The following CENPE variants were observed in gnomAD, a reference collection of about 807,000 sequenced individuals.
CENPE encodes centromere-associated protein E.
Under a neutral mutation model 336.1 loss-of-function variants are expected in CENPE, and 145 were observed. The observed-to-expected ratio is 0.43, with a 90% CI of 0.38 to 0.50. The LOEUF is 0.50. Among genes scored for constraint, CENPE ranks in the 20% least tolerant of loss-of-function variants. The pLI, the probability that CENPE is intolerant of heterozygous loss-of-function variation, is 0.00. For synonymous variants in CENPE, 1,013 were observed against 984.8 expected (o/e 1.03, Z -0.54); for missense variants, 2,719 against 3,023.3 (o/e 0.90, Z 2.36).
chr4:103,169,037 C>T (rs137913172), intron 16 of CENPE, among the ~76,000 whole-genome samples: 9 of 151,906 alleles, frequency 5.9e-5, no homozygotes, highest in African/African-American at 2.2e-4. Flanking sequence ...CTATTTTAAG[C>T]GAGCTCAGCA....
intron 8 of CENPE, among the ~76,000 whole-genome samples, chr4:103,188,192 A>C (rs946154374): frequency 5.9e-5 from 9 of 152,174 alleles, no homozygotes; most frequent in East Asian, 1.9e-4. Flanking sequence ...ACACAATAAT[A>C]ATGGGAGACT....
At chr4:103,163,581 A>T (rs1179211236) in intron 16 of CENPE, 28 bp from the exon 17 acceptor site, 1 of 1,141,696 alleles carries the variant, frequency 8.8e-7, no homozygotes, top group Non-Finnish European at 1.2e-6. Context: ...CAGGTAACAG[A>T]GCAAACCAAT....
intron 43 of CENPE, among the ~76,000 whole-genome samples, chr4:103,122,152 A>C (rs554603862): frequency 4.6e-5 from 7 of 152,278 alleles, no homozygotes; most frequent in African/African-American, 1.7e-4. Context: ...TGAGGTCTGT[A>C]ATGCCCTACA....
intron 26 of CENPE, 108 bp downstream of exon 26, chr4:103,151,111 A>G: frequency 4.2e-6 from 4 of 953,188 alleles, no homozygotes; most frequent in Non-Finnish European, 6.4e-6. Context: ...AAATATGTTC[A>G]TTTGGGAGGT....
At chr4:103,136,074 C>T (rs1375784929) in intron 40 of CENPE, 67 bp downstream of exon 40, 3 of 1,307,614 alleles carry the variant, frequency 2.3e-6, no homozygotes, top group East Asian at 4.6e-5. Flanking sequence ...GCACCTGAAG[C>T]AGGACTTAAA....
Position 103,155,637 on chromosome 4 carries a change from C to T in CENPE, c.3034-2387G>A, listed in dbSNP as rs118136784. On this transcript the variant is annotated intron_variant, in intron 24 of 48. Coordinates refer to ENST00000265148, the MANE Select transcript of CENPE (RefSeq NM_001813.3). ...GTAAATTTCAAATTGAGGTCAAATG[C>T]CTTTGGCCTATGGTTATTCCAAATT... is the stretch of plus-strand genomic sequence containing the variant. Among the ~76,000 whole-genome samples, 128 of 152,154 alleles carry T rather than the reference C, an allele frequency of 8.4e-4. 6 individuals are homozygous for T. In the East Asian group the frequency reaches 0.022, roughly 27 times the overall value.
intron 38 of CENPE, among the ~76,000 whole-genome samples, chr4:103,139,044 C>A (rs1752312738): frequency 6.8e-6 from 1 of 146,222 alleles, no homozygotes; most frequent in South Asian, 2.1e-4. Context: ...AAACCCTAGT[C>A]ATATATTCTT....
Position 103,141,060 on chromosome 4 carries a change from T to C in CENPE, c.5508A>G (p.Lys1836=), listed in dbSNP as rs1474761423. 1.3e-6 allele frequency: 2 copies of C among 1,588,756 alleles called. No individual in the cohort carries two copies. Among genetic ancestry groups the C allele is most frequent in the Non-Finnish European group, 1.7e-6 (2 of 1,165,348 alleles). The change falls in exon 36 of 49, where the codon AAA becomes AAG. Residue 1836 remains lysine (K), a synonymous_variant. Transcript: ENST00000265148. Reference sequence around the variant, plus strand: ...TTTTCTGTGTCTCATTGACATCTTTTTTTAACGTAATAAGTTGATGTTCAT... The same window carrying C: ...TTTTCTGTGTCTCATTGACATCTTTCTTTAACGTAATAAGTTGATGTTCAT... The part of the protein sequence containing the change: ...KANEHQLITL[K]KDVNETQKKV...
chr4:103,133,257 G>C (rs1751771999), intron 41 of CENPE, among the ~76,000 whole-genome samples: 2 of 152,004 alleles, frequency 1.3e-5, no homozygotes, highest in Admixed American at 1.3e-4. Flanking sequence ...TGTTGCCCAG[G>C]CTGATCTTGA....
At chr4:103,185,078 G>A (rs1756649594) in intron 9 of CENPE, among the ~76,000 whole-genome samples, 1 of 152,128 alleles carries the variant, frequency 6.6e-6, no homozygotes, top group African/African-American at 2.4e-5. Flanking sequence ...GCCGAGGTGG[G>A]CGGGTCACTT....
At chr4:103,147,232 T>G in intron 29 of CENPE, 124 bp downstream of exon 29, 1 of 780,240 alleles carries the variant, frequency 1.3e-6, no homozygotes, top group Non-Finnish European at 2.0e-6. Context: ...AGTCATTTCA[T>G]GATTAAGAGA....
chr4:103,164,977 A>G (rs1455638753), intron 16 of CENPE, among the ~76,000 whole-genome samples: 2 of 152,212 alleles, frequency 1.3e-5, no homozygotes, highest in African/African-American at 2.4e-5. Flanking sequence ...GTATGGCCAT[A>G]GATAATGAAA....
chr4:103,186,334 C>A (rs1756767151), intron 8 of CENPE, among the ~76,000 whole-genome samples: 1 of 151,708 alleles, frequency 6.6e-6, no homozygotes, highest in Non-Finnish European at 1.5e-5. Flanking sequence ...AGATTATCTC[C>A]TCAGCATAGC....
In CENPE at chr4:103,108,928, C is replaced by CGTTCCTTGCATTGAGAGGGTGTAATTT; in HGVS notation, c.7859_7885dup (p.Gln2620_Glu2628dup). 6.2e-7 allele frequency: 1 copy of CGTTCCTTGCATTGAGAGGGTGTAATTT among 1,613,828 alleles called. No individual in the cohort carries two copies. Among genetic ancestry groups the CGTTCCTTGCATTGAGAGGGTGTAATTT allele is most frequent in the Non-Finnish European group, 8.5e-7 (1 of 1,179,850 alleles). On this transcript the variant is annotated inframe_insertion, in exon 48 of 49. Coordinates refer to ENST00000265148, the MANE Select transcript of CENPE (RefSeq NM_001813.3). ...CTTTGGCACAGGATCTTGTAAATTC[C>CGTTCCTTGCATTGAGAGGGTGTAATTT]GTTCCTTGCATTGAGAGGGTGTAAT...
chr4:103,128,671 G>A (rs1381105930), intron 42 of CENPE, among the ~76,000 whole-genome samples: 1 of 152,082 alleles, frequency 6.6e-6, no homozygotes, highest in Admixed American at 6.6e-5. Context: ...AATGTATTTT[G>A]AACTCAATGA....
rs146005787 is a variant in CENPE, at chr4:103,137,131, AATTCTG to A, written c.6304-778_6304-773del. 1.1e-4 allele frequency among the ~76,000 whole-genome samples: 16 copies of A among 152,312 alleles called. No individual in the cohort carries two copies. In the East Asian group the frequency reaches 2.9e-3, roughly 27 times the overall value. On this transcript the variant is annotated intron_variant, in intron 39 of 48. Transcript: ENST00000265148. ...CAGATACAAGTCTGACTTAGTTTAA[AATTCTG>A]ATTCTAACAATTTACTAGCTGTGTA...
rs780243749 is a variant in CENPE at position 103,163,148 on chromosome 4, A to G, written c.1831T>C (p.Ser611Pro). 1.2e-6 allele frequency: 2 copies of G among 1,607,864 alleles called. No individual in the cohort carries two copies. The highest frequency in any genetic ancestry group is 1.7e-6 in the Non-Finnish European group (2 of 1,177,524). The change falls in exon 18 of 49, where the codon TCA (serine) becomes CCA (proline). Residue 611 changes from serine (S) to proline (P), a missense_variant. By Grantham distance (74) the Ser-to-Pro change is moderately conservative. Around this residue, in one of 5 missense-constraint regions of CENPE, gnomAD observed 2,437 missense variants for 2,513.3 expected, o/e 0.97. Transcript: ENST00000265148. ...CGCCTGATTTTTACCAATGAGTATG[A>G]CAAGTCCATTTTTATATTTTCTAGC... ...QKLENIKMDL[S>P]YSLESIEDPK...
In CENPE at chr4:103,114,546, A is replaced by G. The variant is rs371428634; in HGVS notation, c.7449T>C (p.Ser2483=). The G allele has an allele frequency of 6.3e-7, 1 of 1,587,076 alleles. No homozygotes were observed. Among genetic ancestry groups the G allele is most frequent in the Non-Finnish European group, 8.6e-7 (1 of 1,159,290 alleles). ...GATATTCTACAGTGGCTTTTGTAGC[A>G]CTGATTCTAACAAAAACAATAAAAA... ...KNAKEFEKEI[S]ATKATVEYQK... is the part of the protein sequence containing the mutation. Residue 2483 remains serine (S), a synonymous_variant, in exon 46 of 49, where the codon AGT becomes AGC. Coordinates refer to ENST00000265148, the MANE Select transcript of CENPE (RefSeq NM_001813.3).
intron 46 of CENPE, among the ~76,000 whole-genome samples, chr4:103,113,505 ATATAT>A (rs1327751261): frequency 1.3e-4 from 19 of 140,822 alleles, no homozygotes; most frequent in African/African-American, 3.9e-4. Flanking sequence ...TTATACTTAT[ATATAT>A]TATAATATAT....
Sources: allele counts gnomAD v4.1 joint callset (sites outside exome capture counted in the v4.1 genomes callset), GRCh38; gene constraint gnomAD v4.1.1; regional missense constraint gnomAD v4.1.1; transcripts MANE v1.5; gene names NCBI Gene and HGNC (gene_info 2026-07-23, HGNC 2026-07-21).